CEP290: variants seen among roughly 807,000 people sequenced by gnomAD.
CEP290 encodes the protein centrosomal protein of 290 kDa.
In CEP290, 317 loss-of-function variants were observed where a neutral mutation model predicts 344.9. That is an observed-to-expected ratio of 0.92 (90% CI 0.84 to 1.01). CEP290 has a LOEUF of 1.01. Among genes scored for constraint, CEP290 ranks in the 50% least tolerant of loss-of-function variants. The probability of loss-of-function intolerance (pLI) is 0.00; values close to 1 mark genes in which losing one functional copy is unlikely to be tolerated. For synonymous variants in CEP290, 932 were observed against 895.8 expected (o/e 1.04, Z -0.72); for missense variants, 2,754 against 2,761.4 (o/e 1.00, Z 0.06).
At chr12:88,082,537 C>CA (rs1313615863) in intron 37 of CEP290, among the ~76,000 whole-genome samples, 2 of 151,968 alleles carry the variant, frequency 1.3e-5, no homozygotes, top group East Asian at 3.9e-4. Flanking sequence ...TACAAAAATA[C>CA]AAAAAAACTA....
At chr12:88,060,293 G>T (rs937685717) in intron 47 of CEP290, among the ~76,000 whole-genome samples, 8 of 152,148 alleles carry the variant, frequency 5.3e-5, no homozygotes, top group African/African-American at 1.9e-4. Context: ...GGGAGCTTGG[G>T]CATCTGTATT....
In CEP290 at chr12:88,066,474, T is replaced by G. The variant is rs1471766100; in HGVS notation, c.6135+2048A>C. On this transcript the variant is annotated intron_variant, in intron 44 of 53. Transcript: ENST00000552810. ...ACAATCACACCCAGCTAATTGTTTC[T>G]TTTTTTTTTTTTTTCTGGTAGAGAT... 1.3e-3 allele frequency among the ~76,000 whole-genome samples: 5 copies of G among 3,764 alleles called. No homozygotes were observed. The Non-Finnish European group carries it at 0.017, about 13-fold the overall frequency. The allele number at this position is 3,764 out of a possible 152,430, so 2.5% of individuals were successfully genotyped here.
At chr12:88,119,453 G>C (rs1027752953) in intron 15 of CEP290, among the ~76,000 whole-genome samples, 1 of 152,002 alleles carries the variant, frequency 6.6e-6, no homozygotes, top group African/African-American at 2.4e-5. Flanking sequence ...CTCGAACAAA[G>C]TAAAACGTAA....
intron 26 of CEP290, among the ~76,000 whole-genome samples, chr12:88,097,657 A>G (rs951641832): frequency 2.6e-5 from 4 of 151,892 alleles, no homozygotes; most frequent in Admixed American, 1.3e-4. Flanking sequence ...AATGTAAAAT[A>G]TTATTTTAAA....
In CEP290 at chr12:88,094,564, C is replaced by T. The variant is rs1009928824; in HGVS notation, c.3104-589G>A. Among the ~76,000 whole-genome samples the T allele has an allele frequency of 2.0e-5, 3 of 151,868 alleles. No individual in the cohort carries two copies. In the East Asian group the frequency reaches 5.8e-4, roughly 29 times the overall value. On this transcript the variant is annotated intron_variant, in intron 27 of 53. Coordinates refer to ENST00000552810, the MANE Select transcript of CEP290 (RefSeq NM_025114.4). ...TGCCTTAACCTTATATATGCAGTTACGCAGCTTGTCTTTGGACACAAAAGT... is the reference window on the plus strand; with the variant it reads ...TGCCTTAACCTTATATATGCAGTTATGCAGCTTGTCTTTGGACACAAAAGT...
Position 88,130,413 on chromosome 12 carries a change from T to C in CEP290, c.524A>G (p.Gln175Arg), listed in dbSNP as rs749806999. ...GTAGTCAATAATATCCTGACAAAGTTGTTCATTCTGAAGGTAACCAAACAC... is the reference window on the plus strand; with the variant it reads ...GTAGTCAATAATATCCTGACAAAGTCGTTCATTCTGAAGGTAACCAAACAC... ...ENKRLKKKNEQLCQDIIDYQK... is the reference protein window; with the variant it reads ...ENKRLKKKNERLCQDIIDYQK... The change falls in exon 9 of 54, where the codon CAA becomes CGA. Residue 175 changes from glutamine (Q) to arginine (R), a missense_variant. By Grantham distance (43) the Gln-to-Arg change is conservative (BLOSUM62 1). Transcript: ENST00000552810. The C allele has an allele frequency of 6.2e-6, 10 of 1,604,442 alleles. No individual in the cohort carries two copies. Among genetic ancestry groups the C allele is most frequent in the Non-Finnish European group, 7.6e-6 (9 of 1,177,318 alleles).
Position 88,083,131 on chromosome 12 carries a change from A to T in CEP290, c.4912T>A (p.Ser1638Thr), listed in dbSNP as rs1222771979. Residue 1638 changes from serine (S) to threonine (T), a missense_variant, in exon 37 of 54, where the codon TCC becomes ACC. Ser to Thr is a moderately conservative substitution (Grantham distance 58, BLOSUM62 1). Coordinates refer to ENST00000552810, the MANE Select transcript of CEP290 (RefSeq NM_025114.4). ...TTCTTTAGTTTGACCAAGAGTGAGG[A>T]AAGAGAGTCATCTTGTTCTGCTACT... Reference protein sequence around the residue: ...QTVAEQDDSLSSLLVKLKKVS... With the variant: ...QTVAEQDDSLTSLLVKLKKVS... 6.4e-7 allele frequency: 1 copy of T among 1,552,318 alleles called. No individual in the cohort carries two copies. Among genetic ancestry groups the T allele is most frequent in the Non-Finnish European group, 8.7e-7 (1 of 1,148,060 alleles).
At chr12:88,119,806 A>T (rs144540404) in intron 15 of CEP290, among the ~76,000 whole-genome samples, 1 of 152,286 alleles carries the variant, frequency 6.6e-6, no homozygotes, top group Admixed American at 6.5e-5. Flanking sequence ...TTGTTGGGAA[A>T]AAAAAAGGTT....
intron 22 of CEP290, among the ~76,000 whole-genome samples, chr12:88,110,323 G>GTATA (rs2038592185): frequency 6.6e-6 from 1 of 152,136 alleles, no homozygotes; most frequent in Non-Finnish European, 1.5e-5. Context: ...ACCCAGGGCA[G>GTATA]GTAGTATAGT....
intron 13 of CEP290, among the ~76,000 whole-genome samples, chr12:88,122,168 C>A (rs897135050): frequency 7.2e-5 from 11 of 152,240 alleles, no homozygotes; most frequent in Admixed American, 7.2e-4. Context: ...AGCTGTGGAA[C>A]ATGACACAGG....
At chr12:88,065,038 T>A (rs1340558998) in intron 44 of CEP290, among the ~76,000 whole-genome samples, 4 of 152,154 alleles carry the variant, frequency 2.6e-5, no homozygotes, top group African/African-American at 9.6e-5. Flanking sequence ...ATGTTGTTAC[T>A]TCTCATTCTA....
chr12:88,056,968 T>TA (rs2034058913), intron 49 of CEP290, among the ~76,000 whole-genome samples: 1 of 152,168 alleles, frequency 6.6e-6, no homozygotes, highest in Non-Finnish European at 1.5e-5. Context: ...GATTTCTACT[T>TA]AGACTTATGT....
At chr12:88,115,401 G>A in intron 18 of CEP290, 1 of 957,922 alleles carries the variant, frequency 1.0e-6, no homozygotes. Flanking sequence ...AACATCCATG[G>A]TAAGAGGCAA....
In CEP290 at chr12:88,068,514, A is replaced by T. The variant is rs759481991; in HGVS notation, c.6135+8T>A. ...AAAAGAAAAAAATAATAAAAGATATACACTTACTGAAGGCTTAGAATATGT... is the reference window on the plus strand; with the variant it reads ...AAAAGAAAAAAATAATAAAAGATATTCACTTACTGAAGGCTTAGAATATGT... On this transcript the variant is annotated splice_region_variant and intron_variant, in intron 44 of 53. Coordinates refer to ENST00000552810, the MANE Select transcript of CEP290 (RefSeq NM_025114.4). 5 of 1,476,462 alleles carry T rather than the reference A, an allele frequency of 3.4e-6. No homozygotes were observed. In the South Asian group the frequency reaches 7.0e-5, roughly 21 times the overall value. 91.5% of individuals were successfully genotyped at this position (1,476,462 alleles called of 1,614,324 possible). A position where few individuals can be genotyped will look rare whatever the true frequency, so the allele number is the denominator to read the frequency against.
chr12:88,075,811 C>T (rs1469214332), intron 41 of CEP290, among the ~76,000 whole-genome samples: 3 of 152,054 alleles, frequency 2.0e-5, no homozygotes, highest in Non-Finnish European at 4.4e-5. Flanking sequence ...GGGCATAGAC[C>T]CCTGTTTTCT....
At chr12:88,055,024 G>T (rs1234862492) in intron 50 of CEP290, among the ~76,000 whole-genome samples, 2 of 152,100 alleles carry the variant, frequency 1.3e-5, no homozygotes, top group East Asian at 3.8e-4. Flanking sequence ...AGATGAGATT[G>T]GGAAGAAAAC....
Position 88,089,289 on chromosome 12 carries a change from T to G in CEP290, c.3772A>C (p.Asn1258His), listed in dbSNP as rs1265176838. The change falls in exon 31 of 54, where the codon AAC (asparagine) becomes CAC (histidine). Residue 1258 changes from asparagine to histidine, a missense_variant. Coordinates refer to ENST00000552810, the MANE Select transcript of CEP290 (RefSeq NM_025114.4). ...ALYYARLEGRNRAKHLRQTIQ... is the reference protein window; with the variant it reads ...ALYYARLEGRHRAKHLRQTIQ... ...GTTTGGCGCAGATGTTTTGCTCTGT[T>G]TCTTCCCTCCAAACGAGCATAATAG... is the stretch of plus-strand genomic sequence containing the variant. 1.9e-6 allele frequency: 3 copies of G among 1,614,014 alleles called. No homozygotes were observed. The South Asian group carries it at 3.3e-5, about 18-fold the overall frequency.
At position 88,115,266 on chromosome 12, in the gene CEP290, C is replaced by T. The variant is rs146581777; in HGVS notation, c.1825-84G>A. On this transcript the variant is annotated intron_variant, in intron 18 of 53. Transcript: ENST00000552810. Reference sequence around the variant, plus strand: ...ATTTTCAAGTTAAGAAAAGTTTGATCAATTAAGTATAACAAAACAAAACAA... The same window carrying T: ...ATTTTCAAGTTAAGAAAAGTTTGATTAATTAAGTATAACAAAACAAAACAA... 16 of 798,772 alleles carry T rather than the reference C, an allele frequency of 2.0e-5. No individual in the cohort carries two copies. In the East Asian group the frequency reaches 4.6e-4, roughly 23 times the overall value. 49.5% of individuals were successfully genotyped at this position (798,772 alleles called of 1,614,324 possible).
In CEP290 at chr12:88,136,629, A is replaced by C. The variant is rs765642954; in HGVS notation, c.441+14T>G. On this transcript the variant is annotated intron_variant, in intron 6 of 53. Transcript: ENST00000552810. ...TTGAACAGTGAAGATTCATGGAAAA[A>C]AAAAGTGCTTTACTTGCTCATTAAC... 5.0e-6 allele frequency: 8 copies of C among 1,613,004 alleles called. No individual in the cohort carries two copies. The highest frequency in any genetic ancestry group is 4.5e-5 in the East Asian group (2 of 44,842).
Sources: allele counts gnomAD v4.1 joint callset (sites outside exome capture counted in the v4.1 genomes callset), GRCh38; gene constraint gnomAD v4.1.1; transcripts MANE v1.5; gene names NCBI Gene and HGNC (gene_info 2026-07-23, HGNC 2026-07-21).